ASB3: variants seen among roughly 807,000 people sequenced by gnomAD.
ASB3 encodes ankyrin repeat and SOCS box containing 3.
Under a neutral mutation model 54.5 loss-of-function variants are expected in ASB3, and 41 were observed. The observed-to-expected ratio is 0.75, with a 90% CI of 0.59 to 0.98. The LOEUF (loss-of-function observed/expected upper bound fraction) is 0.98. Ranked by LOEUF, ASB3 falls within the 50% of genes least tolerant of loss-of-function variation. ASB3 has a pLI of 0.00. For missense variants in ASB3, 733 were observed against 620.0 expected, an observed-to-expected ratio of 1.18 and a Z score of -1.94; for synonymous variants, 266 against 221.2, an observed-to-expected ratio of 1.20 and a Z score of -1.80.
rs549881561 is a variant in ASB3, at chr2:53,779,093, G to A, written c.-14+7728C>T. On this transcript the variant is annotated intron_variant, in intron 1 of 9. Transcript: ENST00000263634. Reference sequence around the variant, plus strand: ...TAGCCATTCTGACACATATTGGGGTGATATCTCATAGTGGTTTTAATTTGC... The same window carrying A: ...TAGCCATTCTGACACATATTGGGGTAATATCTCATAGTGGTTTTAATTTGC... Among the ~76,000 whole-genome samples the A allele has an allele frequency of 1.6e-4, 25 of 152,298 alleles. No individual in the cohort carries two copies. The South Asian group carries it at 4.2e-3, about 25-fold the overall frequency.
At position 53,752,716 on chromosome 2, in the gene ASB3, A is replaced by G. The variant is rs148578709; in HGVS notation, c.197-1775T>C. 5.9e-5 allele frequency among the ~76,000 whole-genome samples: 9 copies of G among 152,352 alleles called. No individual in the cohort carries two copies. The East Asian group carries it at 1.7e-3, about 29-fold the overall frequency. ...ATAATTTAGAAAAATGAACAACACA[A>G]GCATTGAAGCGTGCCTAGACTTACT... On this transcript the variant is annotated intron_variant, in intron 2 of 9. Coordinates refer to ENST00000263634, the MANE Select transcript of ASB3 (RefSeq NM_016115.5).
At chr2:53,762,423 G>C (rs1301873540) in intron 2 of ASB3, among the ~76,000 whole-genome samples, 1 of 152,128 alleles carries the variant, frequency 6.6e-6, no homozygotes, top group Non-Finnish European at 1.5e-5. Context: ...AGGTCCATCT[G>C]ACCGTAACTC....
At chr2:53,764,604 A>T (rs10205606) in intron 2 of ASB3, among the ~76,000 whole-genome samples, 65,601 of 152,104 alleles carry the variant, frequency 0.43, 14,524 homozygotes, top group East Asian at 0.57. Context: ...TTAGTCAATG[A>T]CCTTCACTCA....
intron 6 of ASB3, 101 bp downstream of exon 6, chr2:53,716,465 A>G: frequency 7.1e-7 from 1 of 1,416,496 alleles, no homozygotes; most frequent in Non-Finnish European, 9.5e-7. Flanking sequence ...AGGGAAGAGA[A>G]TATCAAAGAC....
chr2:53,719,077 C>T (rs758761397), intron 5 of ASB3, among the ~76,000 whole-genome samples: 18 of 152,174 alleles, frequency 1.2e-4, no homozygotes, highest in Middle Eastern at 3.4e-3. Flanking sequence ...TGCACTACCA[C>T]GCCCAGCTGA....
chr2:53,731,564 T>C (rs2103917877), intron 3 of ASB3, among the ~76,000 whole-genome samples: 1 of 152,354 alleles, frequency 6.6e-6, no homozygotes, highest in South Asian at 2.1e-4. Context: ...TTCTTCAAGC[T>C]ATTTTTGTAT....
intron 1 of ASB3, among the ~76,000 whole-genome samples, chr2:53,776,638 GA>G (rs1573027112): frequency 6.6e-6 from 1 of 152,076 alleles, no homozygotes; most frequent in East Asian, 1.9e-4. Flanking sequence ...CAGAGCAACA[GA>G]AGAGCACCAT....
At chr2:53,769,043 T>G (rs1187013699) in intron 1 of ASB3, among the ~76,000 whole-genome samples, 1 of 152,230 alleles carries the variant, frequency 6.6e-6, no homozygotes, top group Non-Finnish European at 1.5e-5. Context: ...GGCTTTTAAG[T>G]AGACTATACT....
At chr2:53,731,809 T>C (rs1241028457) in intron 3 of ASB3, among the ~76,000 whole-genome samples, 1 of 152,066 alleles carries the variant, frequency 6.6e-6, no homozygotes, top group African/African-American at 2.4e-5. Flanking sequence ...CCCGCAATCA[T>C]GCTCGGCTAC....
intron 2 of ASB3, chr2:53,763,491 G>C (rs1245072250): frequency 1.8e-5 from 3 of 169,456 alleles, no homozygotes; most frequent in Middle Eastern, 5.2e-4. Flanking sequence ...CCTTTTGTAT[G>C]TGTGTATAGG....
intron 5 of ASB3, among the ~76,000 whole-genome samples, chr2:53,726,756 G>C (rs189309559): frequency 1.1e-4 from 16 of 151,704 alleles, no homozygotes; most frequent in Non-Finnish European, 1.6e-4. Context: ...GAGTGCGGTG[G>C]TGCGATCTTA....
chr2:53,721,161 T>TAAATAAAC (rs1361936129), intron 5 of ASB3, among the ~76,000 whole-genome samples: 4 of 147,676 alleles, frequency 2.7e-5, no homozygotes, highest in Admixed American at 2.0e-4. Context: ...AATAAATAAA[T>TAAATAAAC]AAACTGAATT....
At chr2:53,686,073 A>G (rs924572925) in intron 9 of ASB3, among the ~76,000 whole-genome samples, 2 of 152,188 alleles carry the variant, frequency 1.3e-5, no homozygotes, top group African/African-American at 4.8e-5. Flanking sequence ...AAGCCGCGTT[A>G]TTATCACATG....
At chr2:53,780,073 A>G (rs1674559030) in intron 1 of ASB3, among the ~76,000 whole-genome samples, 1 of 152,146 alleles carries the variant, frequency 6.6e-6, no homozygotes, top group South Asian at 2.1e-4. Context: ...TCTTGTTTCC[A>G]ATCTCTTTTC....
intron 3 of ASB3, among the ~76,000 whole-genome samples, chr2:53,733,170 GAGA>G (rs1671415223): frequency 6.6e-6 from 1 of 152,190 alleles, no homozygotes; most frequent in African/African-American, 2.4e-5. Flanking sequence ...GGGAAGGATA[GAGA>G]AGGATATCAA....
intron 2 of ASB3, among the ~76,000 whole-genome samples, chr2:53,757,406 G>A (rs970921709): frequency 2.0e-5 from 3 of 152,218 alleles, no homozygotes; most frequent in African/African-American, 4.8e-5. Flanking sequence ...AACTCCCGGC[G>A]TTAGCTGGTT....
intron 9 of ASB3, among the ~76,000 whole-genome samples, chr2:53,692,163 C>T (rs1668952496): frequency 6.6e-6 from 1 of 152,012 alleles, no homozygotes; most frequent in African/African-American, 2.4e-5. Flanking sequence ...ACAGGGGGGG[C>T]AAAAATCACC....
At chr2:53,730,130 A>T (rs1157820076) in intron 3 of ASB3, among the ~76,000 whole-genome samples, 1 of 152,216 alleles carries the variant, frequency 6.6e-6, no homozygotes, top group Non-Finnish European at 1.5e-5. Flanking sequence ...AAAAATAAAA[A>T]ATGTTGTTAA....
chr2:53,677,259 A>T (rs973682950), intron 9 of ASB3, among the ~76,000 whole-genome samples: 22 of 152,194 alleles, frequency 1.4e-4, no homozygotes, highest in African/African-American at 5.1e-4. Context: ...ATACTTTATA[A>T]TATTTGCACA....
Sources: gnomAD v4.1 joint callset for allele counts (sites outside exome capture counted in the v4.1 genomes callset) on GRCh38, gnomAD v4.1.1 for gene constraint, MANE v1.5 for transcripts, NCBI Gene and HGNC (gene_info 2026-07-23, HGNC 2026-07-21) for gene names.